Variants in ANXA10 observed in about 807,000 individuals in gnomAD.
ANXA10 encodes the protein annexin 14.
In ANXA10, 49 loss-of-function variants were observed where a neutral mutation model predicts 53.5. That is an observed-to-expected ratio of 0.92 (90% CI 0.73 to 1.16). The LOEUF is 1.16. Among genes scored for constraint, ANXA10 ranks in the 50% most tolerant of loss-of-function variants. The probability of loss-of-function intolerance (pLI) is 0.00; values close to 1 mark genes in which losing one functional copy is unlikely to be tolerated. For synonymous variants in ANXA10, 131 were observed against 128.9 expected, an observed-to-expected ratio of 1.02 and a Z score of -0.11; for missense variants, 393 against 394.4, an observed-to-expected ratio of 1.00 and a Z score of 0.03.
At chr4:168,156,723 T>G (rs1731690690) in intron 3 of ANXA10, among the ~76,000 whole-genome samples, 1 of 151,860 alleles carries the variant, frequency 6.6e-6, no homozygotes, top group South Asian at 2.1e-4. Context: ...CAGTATGGTC[T>G]CGATCTCCTG....
chr4:168,115,497 GCACACACACACA>G (rs67627035), intron 1 of ANXA10, among the ~76,000 whole-genome samples: 4,060 of 136,514 alleles, frequency 0.03, 91 homozygotes, highest in African/African-American at 0.055. Context: ...CAATACACAC[GCACACACACACA>G]CACACACACA....
intron 3 of ANXA10, among the ~76,000 whole-genome samples, chr4:168,144,631 T>A (rs1372589647): frequency 6.6e-6 from 1 of 152,192 alleles, no homozygotes; most frequent in Non-Finnish European, 1.5e-5. Flanking sequence ...TGTATACAAT[T>A]TCCGGAAAGC....
chr4:168,116,989 T>TCGCACAGACACACACA (rs1553997128), intron 1 of ANXA10, among the ~76,000 whole-genome samples: 40 of 18,882 alleles, frequency 2.1e-3, no homozygotes, highest in Admixed American at 4.9e-3. Flanking sequence ...AGCAAATTTT[T>TCGCACAGACACACACA]CACACAGACA....
intron 3 of ANXA10, among the ~76,000 whole-genome samples, chr4:168,157,344 T>G (rs767771750): frequency 2.0e-5 from 3 of 152,094 alleles, no homozygotes; most frequent in Non-Finnish European, 2.9e-5. Context: ...CTCGGCTCAC[T>G]GCAACCTCCG....
chr4:168,156,319 A>C lies in ANXA10; in HGVS notation c.196-6209A>C, dbSNP rs568237049. On this transcript the variant is annotated intron_variant, in intron 3 of 11. Transcript: ENST00000359299. ...TATATTATATATAATAGTATATATA[A>C]TATATAATATATTATATAGTATATA... is the stretch of plus-strand genomic sequence containing the variant. Among the ~76,000 whole-genome samples, 876 of 97,910 alleles carry C rather than the reference A, an allele frequency of 8.9e-3. 13 individuals are homozygous for C. The highest frequency in any genetic ancestry group is 0.03 in the African/African-American group (783 of 26,266). 64.2% of individuals were successfully genotyped at this position (97,910 alleles called of 152,430 possible).
chr4:168,113,659 T>C (rs1052863916), intron 1 of ANXA10, among the ~76,000 whole-genome samples: 2 of 152,218 alleles, frequency 1.3e-5, no homozygotes, highest in Non-Finnish European at 1.5e-5. Context: ...CACCTTCTGA[T>C]CCCATCAACT....
At chr4:168,152,428 C>G (rs1443101061) in intron 3 of ANXA10, among the ~76,000 whole-genome samples, 1 of 152,030 alleles carries the variant, frequency 6.6e-6, no homozygotes, top group Non-Finnish European at 1.5e-5. Context: ...TCAAAGTTAC[C>G]AAGAAGATAT....
chr4:168,182,803 G>T (rs915869230), intron 10 of ANXA10, among the ~76,000 whole-genome samples: 3 of 149,832 alleles, frequency 2.0e-5, no homozygotes, highest in African/African-American at 7.3e-5. Flanking sequence ...GAGGTCAGGA[G>T]ATCTAGACTG....
intron 1 of ANXA10, among the ~76,000 whole-genome samples, chr4:168,113,818 G>C (rs2149466795): frequency 6.6e-6 from 1 of 152,282 alleles, no homozygotes; most frequent in Non-Finnish European, 1.5e-5. Flanking sequence ...TCATGGTGTT[G>C]AATTACTTCT....
At chr4:168,104,556 T>G (rs1308878115) in intron 1 of ANXA10, among the ~76,000 whole-genome samples, 1 of 151,950 alleles carries the variant, frequency 6.6e-6, no homozygotes, top group Non-Finnish European at 1.5e-5. Context: ...AAATACAAAT[T>G]CAATTTTCTC....
At chr4:168,181,304 T>C (rs1000290010) in intron 9 of ANXA10, among the ~76,000 whole-genome samples, 1 of 147,206 alleles carries the variant, frequency 6.8e-6, no homozygotes, top group African/African-American at 2.5e-5. Context: ...GGCAGGAGAA[T>C]GGCGTGAACC....
intron 1 of ANXA10, among the ~76,000 whole-genome samples, chr4:168,097,580 A>G (rs184740030): frequency 6.6e-6 from 1 of 152,114 alleles, no homozygotes; most frequent in Non-Finnish European, 1.5e-5. Flanking sequence ...TCTTATTAGT[A>G]CAGAAAAAGG....
intron 1 of ANXA10, among the ~76,000 whole-genome samples, chr4:168,109,784 CTT>C (rs932608388): frequency 6.6e-6 from 1 of 152,124 alleles, no homozygotes; most frequent in African/African-American, 2.4e-5. Context: ...CATTCAATGT[CTT>C]TATAAAACTA....
At chr4:168,175,007 A>G (rs1055080563) in intron 6 of ANXA10, among the ~76,000 whole-genome samples, 5 of 152,208 alleles carry the variant, frequency 3.3e-5, no homozygotes, top group Non-Finnish European at 7.3e-5. Flanking sequence ...TATAGATGGA[A>G]TTTAAAGCCA....
intron 2 of ANXA10, among the ~76,000 whole-genome samples, chr4:168,134,535 GAA>G (rs1299118876): frequency 6.6e-6 from 1 of 152,100 alleles, no homozygotes; most frequent in Non-Finnish European, 1.5e-5. Flanking sequence ...ATAAGACAAA[GAA>G]AGTAATTTTA....
intron 3 of ANXA10, among the ~76,000 whole-genome samples, chr4:168,155,041 A>T (rs11936562): frequency 1.3e-5 from 2 of 151,314 alleles, no homozygotes; most frequent in Non-Finnish European, 2.9e-5. Flanking sequence ...AATCAACCCA[A>T]CATTTACTGA....
At chr4:168,121,179 T>C (rs1262216220) in intron 1 of ANXA10, among the ~76,000 whole-genome samples, 2 of 152,132 alleles carry the variant, frequency 1.3e-5, no homozygotes, top group Non-Finnish European at 2.9e-5. Flanking sequence ...ATTGTTTACA[T>C]TCTTTGAGTA....
chr4:168,146,559 A>G (rs1731409729), intron 3 of ANXA10, among the ~76,000 whole-genome samples: 1 of 152,196 alleles, frequency 6.6e-6, no homozygotes, highest in Admixed American at 6.5e-5. Flanking sequence ...GCTTTACCAT[A>G]TGCCCAGCTT....
chr4:168,156,413 T>C (rs1578923927), intron 3 of ANXA10, among the ~76,000 whole-genome samples: 1 of 119,610 alleles, frequency 8.4e-6, no homozygotes, highest in East Asian at 2.2e-4. Context: ...TTATATAGTA[T>C]ATATTATATA....
Sources: gnomAD v4.1 joint callset for allele counts (sites outside exome capture counted in the v4.1 genomes callset) on GRCh38, gnomAD v4.1.1 for gene constraint, MANE v1.5 for transcripts, NCBI Gene and HGNC (gene_info 2026-07-23, HGNC 2026-07-21) for gene names.